Variants in PON3 observed in about 807,000 individuals in gnomAD.
The protein encoded by PON3 is paraoxonase 3, also known as serum paraoxonase/lactonase 3.
PON3 carries 37 observed loss-of-function variants against 36.3 expected under a neutral mutation model. The ratio of observed to expected loss-of-function variants is 1.02; its 90% CI spans 0.78 to 1.34. The LOEUF is 1.34. PON3 is among the 40% of genes most tolerant of loss of function. The probability of loss-of-function intolerance (pLI) is 0.00; values close to 1 mark genes in which losing one functional copy is unlikely to be tolerated. For missense variants in PON3, 415 were observed against 426.5 expected, an observed-to-expected ratio of 0.97 and a Z score of 0.24; for synonymous variants, 155 against 154.8, an observed-to-expected ratio of 1.00 and a Z score of -0.01.
At chr7:95,388,571 C>T (rs1432153493) in intron 3 of PON3, among the ~76,000 whole-genome samples, 1 of 152,170 alleles carries the variant, frequency 6.6e-6, no homozygotes, top group Non-Finnish European at 1.5e-5. Context: ...CCACTTGATC[C>T]AGCAATCCCA....
intron 3 of PON3, among the ~76,000 whole-genome samples, chr7:95,389,013 A>C (rs1809260719): frequency 6.6e-6 from 1 of 152,114 alleles, no homozygotes; most frequent in African/African-American, 2.4e-5. Context: ...AGGTATAGGA[A>C]ACCAGCATGG....
chr7:95,394,635 C>T lies in PON3; in HGVS notation c.145+9G>A, dbSNP rs1333898442. 6.2e-7 allele frequency: 1 copy of T among 1,612,112 alleles called. No homozygotes were observed. Among genetic ancestry groups the T allele is most frequent in the Admixed American group, 1.7e-5 (1 of 60,024 alleles). ...GTGCTGGCTCCTCTTGGTACTGTCA[C>T]ATACATACCAAGTTCCTCAATAAGG... On this transcript the variant is annotated intron_variant, in intron 2 of 8. Transcript: ENST00000265627.
rs1809433793 is a variant in PON3, at chr7:95,396,338, C to A, written c.13G>T (p.Val5Leu). Reference sequence around the variant, plus strand: ...CCGACCCCCAGCAGGACCAGCGCCACGAGCTTCCCCATGGTCTCGGGGTGC... The same window carrying A: ...CCGACCCCCAGCAGGACCAGCGCCAAGAGCTTCCCCATGGTCTCGGGGTGC... MGKLVALVLLGVGLS... is the reference protein window; with the variant it reads MGKLLALVLLGVGLS... The change falls in exon 1 of 9, where the codon GTG becomes TTG. Residue 5 changes from valine (V) to leucine (L), a missense_variant. Coordinates refer to ENST00000265627, the MANE Select transcript of PON3 (RefSeq NM_000940.3). 6.2e-7 allele frequency: 1 copy of A among 1,614,032 alleles called. No individual in the cohort carries two copies. Among genetic ancestry groups the A allele is most frequent in the Non-Finnish European group, 8.5e-7 (1 of 1,179,974 alleles).
chr7:95,393,278 A>C (rs1188644625), intron 2 of PON3, among the ~76,000 whole-genome samples: 1 of 152,224 alleles, frequency 6.6e-6, no homozygotes, highest in Non-Finnish European at 1.5e-5. Flanking sequence ...CTGATAGTGA[A>C]AGAGAGAACA....
intron 3 of PON3, among the ~76,000 whole-genome samples, chr7:95,379,717 G>C (rs1044206677): frequency 5.9e-5 from 9 of 152,328 alleles, no homozygotes; most frequent in African/African-American, 2.2e-4. Context: ...AGCTCGAACT[G>C]GGTGGAGCCC....
chr7:95,384,283 CAT>C (rs1360929415), intron 3 of PON3, among the ~76,000 whole-genome samples: 2 of 152,164 alleles, frequency 1.3e-5, no homozygotes, highest in Admixed American at 6.5e-5. Context: ...ACACTCAGGA[CAT>C]AGGCATGGGC....
At chr7:95,380,140 T>C (rs1206817602) in intron 3 of PON3, among the ~76,000 whole-genome samples, 1 of 152,122 alleles carries the variant, frequency 6.6e-6, no homozygotes. Context: ...CAGCTGACGG[T>C]CCTCACTCTT....
At chr7:95,362,968 C>T in intron 6 of PON3, 127 bp from the exon 7 acceptor site, 1 of 709,700 alleles carries the variant, frequency 1.4e-6, no homozygotes, top group Non-Finnish European at 2.5e-6. Context: ...TTCTAAACCA[C>T]AGTAAAAGAA....
intron 3 of PON3, among the ~76,000 whole-genome samples, chr7:95,381,803 A>C (rs951079649): frequency 4.5e-4 from 68 of 152,300 alleles, no homozygotes; most frequent in Non-Finnish European, 1.9e-4. Context: ...ACGAGACAGA[A>C]AGTTAAAAAG....
chr7:95,364,124 G>A (rs2116377270), intron 5 of PON3, 61 bp from the exon 6 acceptor site: 7 of 1,342,682 alleles, frequency 5.2e-6, no homozygotes, highest in East Asian at 4.6e-5. Context: ...CTTTATCCTT[G>A]TCAAAATCAC....
chr7:95,367,375 C>A lies in PON3; in HGVS notation c.481G>T (p.Glu161Ter). The A allele has an allele frequency of 1.9e-6, 3 of 1,612,648 alleles. No homozygotes were observed. The highest frequency in any genetic ancestry group is 2.2e-5 in the East Asian group (1 of 44,852). The change falls in exon 5 of 9, where the codon GAA (glutamate) becomes TAA (stop). Residue 161 changes from glutamate (E) to a stop codon, truncating the protein, a stop_gained. Coordinates refer to ENST00000265627, the MANE Select transcript of PON3 (RefSeq NM_000940.3). LOFTEE classifies it high-confidence loss of function. Reference sequence around the variant, plus strand: ...TTCATTCCATACCTTTTGAGAAGTTCATGTTTTATAGTTTTCAGGTATACC... The same window carrying A: ...TTCATTCCATACCTTTTGAGAAGTTAATGTTTTATAGTTTTCAGGTATACC... The part of the protein sequence containing the change: ...SLVYLKTIKH[E>*]LLKSVNDIVV...
At chr7:95,393,656 T>A (rs1040400945) in intron 2 of PON3, among the ~76,000 whole-genome samples, 1 of 152,132 alleles carries the variant, frequency 6.6e-6, no homozygotes, top group Admixed American at 6.5e-5. Context: ...TTGAACTGAA[T>A]CTTTTGAGAA....
chr7:95,373,362 A>G (rs1808850402), intron 3 of PON3, among the ~76,000 whole-genome samples: 1 of 152,024 alleles, frequency 6.6e-6, no homozygotes, highest in African/African-American at 2.4e-5. Flanking sequence ...AACCCCAGCT[A>G]TATCTTCAAA....
chr7:95,362,102 T>C (rs753365745), intron 8 of PON3, among the ~76,000 whole-genome samples: 1 of 152,200 alleles, frequency 6.6e-6, no homozygotes, highest in Non-Finnish European at 1.5e-5. Context: ...AAATACGATA[T>C]GGCAATCTGG....
chr7:95,386,547 A>G (rs1809194444), intron 3 of PON3, among the ~76,000 whole-genome samples: 1 of 152,228 alleles, frequency 6.6e-6, no homozygotes, highest in Non-Finnish European at 1.5e-5. Flanking sequence ...AAATTCTACC[A>G]GAGGTACAAA....
At chr7:95,376,507 A>G (rs60629322) in intron 3 of PON3, among the ~76,000 whole-genome samples, 4,433 of 152,310 alleles carry the variant, frequency 0.029, 119 homozygotes, top group African/African-American at 0.068. Flanking sequence ...TCCTTATCCT[A>G]TAAGTTGTTT....
Position 95,396,064 on chromosome 7 carries a change from G to A in PON3, c.74+213C>T, listed in dbSNP as rs1809424710. 3 of 614,624 alleles carry A rather than the reference G, an allele frequency of 4.9e-6. No homozygotes were observed. The South Asian group carries it at 5.7e-5, about 12-fold the overall frequency. The allele number at this position is 614,624 out of a possible 1,614,324, so 38.1% of individuals were successfully genotyped here. On this transcript the variant is annotated intron_variant, in intron 1 of 8. Coordinates refer to ENST00000265627, the MANE Select transcript of PON3 (RefSeq NM_000940.3). The stretch of plus-strand genomic sequence containing the variant: ...GGATCATAACCTTCAAAAAATAAAT[G>A]GGACTAATTCGGCTCGGCAGTCTTT...
intron 3 of PON3, among the ~76,000 whole-genome samples, chr7:95,388,383 A>G (rs968234439): frequency 6.6e-6 from 1 of 152,238 alleles, no homozygotes; most frequent in Admixed American, 6.5e-5. Context: ...TGAAAACCAC[A>G]ATGAGATACC....
At chr7:95,395,440 T>C (rs1809407375) in intron 1 of PON3, among the ~76,000 whole-genome samples, 1 of 152,146 alleles carries the variant, frequency 6.6e-6, no homozygotes, top group African/African-American at 2.4e-5. Flanking sequence ...TTACTATTAT[T>C]TTATGATTCT....
Sources: gnomAD v4.1 joint callset for allele counts (sites outside exome capture counted in the v4.1 genomes callset) on GRCh38, gnomAD v4.1.1 for gene constraint, MANE v1.5 for transcripts, NCBI Gene and HGNC (gene_info 2026-07-23, HGNC 2026-07-21) for gene names.